The following ARHGAP21 variants were observed in gnomAD, a reference collection of about 807,000 sequenced individuals.
The protein encoded by ARHGAP21 is rho GTPase-activating protein 21.
A neutral mutation model predicts 164.6 loss-of-function variants in ARHGAP21; 38 were observed. The observed-to-expected ratio is 0.23, with a 90% CI of 0.18 to 0.30. The LOEUF is 0.30. Ranked by LOEUF, ARHGAP21 falls within the 10% of genes least tolerant of loss-of-function variation. The pLI is 1.00. For synonymous variants in ARHGAP21, 766 were observed against 857.9 expected, an observed-to-expected ratio of 0.89 and a Z score of 1.87; for missense variants, 1,822 against 2,370.7, an observed-to-expected ratio of 0.77 and a Z score of 4.81.
intron 2 of ARHGAP21, among the ~76,000 whole-genome samples, chr10:24,702,583 G>A (rs1186240194): frequency 1.3e-5 from 2 of 150,534 alleles, no homozygotes; most frequent in East Asian, 3.9e-4. Flanking sequence ...TTTTTTTTTG[G>A]TTTTTTGTTT....
At chr10:24,653,104 C>G (rs1197802227) in intron 4 of ARHGAP21, among the ~76,000 whole-genome samples, 1 of 152,056 alleles carries the variant, frequency 6.6e-6, no homozygotes, top group Non-Finnish European at 1.5e-5. Flanking sequence ...TAAAAAATAC[C>G]CATTTTAAGT....
chr10:24,589,542 A>T (rs1017090851), intron 24 of ARHGAP21: 7 of 456,256 alleles, frequency 1.5e-5, no homozygotes, highest in African/African-American at 1.4e-4. Context: ...ATGGCAAAGG[A>T]GCCCTGTGCT....
chr10:24,586,101 A>ATACT lies in ARHGAP21; in HGVS notation c.4187_4188insAGTA (p.Trp1397ValfsTer10). On this transcript the variant is annotated frameshift_variant, in exon 26 of 26. Coordinates refer to ENST00000396432, the MANE Select transcript of ARHGAP21 (RefSeq NM_020824.4). LOFTEE classifies it low-confidence loss of function (END_TRUNC). ...TATACTGATCCTTTCCAGATCCCCA[A>ATACT]GAACCCTGGGAAGCAAGAGAGAAGA... 6.3e-7 allele frequency: 1 copy of ATACT among 1,579,428 alleles called. No homozygotes were observed. Among genetic ancestry groups the ATACT allele is most frequent in the Non-Finnish European group, 8.6e-7 (1 of 1,166,782 alleles).
chr10:24,619,218 C>T (rs969711677), intron 9 of ARHGAP21, among the ~76,000 whole-genome samples: 3 of 150,946 alleles, frequency 2.0e-5, no homozygotes, highest in Non-Finnish European at 4.4e-5. Flanking sequence ...TTTGTTTCAT[C>T]AAAATAAAAA....
At chr10:24,707,613 C>T (rs1225567450) in intron 2 of ARHGAP21, among the ~76,000 whole-genome samples, 2 of 152,172 alleles carry the variant, frequency 1.3e-5, no homozygotes, top group African/African-American at 2.4e-5. Context: ...CAAACTTGCA[C>T]GACCTCCTCT....
At chr10:24,622,667 G>A (rs970479349) in intron 8 of ARHGAP21, 66 bp downstream of exon 8, 1 of 1,510,068 alleles carries the variant, frequency 6.6e-7, no homozygotes, top group African/African-American at 1.4e-5. Flanking sequence ...TAATAGATTG[G>A]CTTATTACAA....
intron 21 of ARHGAP21, among the ~76,000 whole-genome samples, chr10:24,592,719 G>GAGT (rs764934176): frequency 8.7e-5 from 13 of 149,730 alleles, no homozygotes; most frequent in Non-Finnish European, 1.5e-4. Flanking sequence ...CTGGGCGACA[G>GAGT]AGTAAGATCC....
At chr10:24,674,085 A>T (rs941495251) in intron 2 of ARHGAP21, among the ~76,000 whole-genome samples, 2 of 151,952 alleles carry the variant, frequency 1.3e-5, no homozygotes, top group Non-Finnish European at 2.9e-5. Context: ...CAAAATTAAG[A>T]CCCTCTGCTC....
intron 8 of ARHGAP21, 122 bp downstream of exon 8, chr10:24,622,611 G>A: frequency 9.6e-7 from 1 of 1,040,368 alleles, no homozygotes; most frequent in Non-Finnish European, 1.4e-6. Context: ...AAATTAGTAA[G>A]ATTAACACGA....
chr10:24,632,588 A>G (rs1479674120), intron 6 of ARHGAP21, among the ~76,000 whole-genome samples: 1 of 152,226 alleles, frequency 6.6e-6, no homozygotes, highest in African/African-American at 2.4e-5. Flanking sequence ...GAGCCACTCT[A>G]GACATACTTA....
At chr10:24,591,093 T>C in intron 24 of ARHGAP21, 132 bp downstream of exon 24, 1 of 1,002,026 alleles carries the variant, frequency 1.0e-6, no homozygotes, top group South Asian at 1.8e-5. Flanking sequence ...AAGATTAAGG[T>C]TTTTTATTAG....
intron 2 of ARHGAP21, among the ~76,000 whole-genome samples, chr10:24,689,944 A>G (rs78198096): frequency 7.2e-4 from 5 of 6,960 alleles, no homozygotes; most frequent in African/African-American, 3.9e-3. Context: ...GTATATATGT[A>G]TATGTGTGTG....
At chr10:24,677,204 A>G (rs1019111649) in intron 2 of ARHGAP21, among the ~76,000 whole-genome samples, 37 of 152,340 alleles carry the variant, frequency 2.4e-4, no homozygotes, top group African/African-American at 8.7e-4. Flanking sequence ...TAAGCGACAG[A>G]GCGAGACTCC....
At chr10:24,621,404 T>C in intron 8 of ARHGAP21, 35 bp from the exon 9 acceptor site, 1 of 1,493,028 alleles carries the variant, frequency 6.7e-7, no homozygotes, top group Non-Finnish European at 9.0e-7. Context: ...TCACTGGAAA[T>C]TCATAAAAAG....
intron 4 of ARHGAP21, among the ~76,000 whole-genome samples, chr10:24,664,736 A>C (rs1053126901): frequency 2.0e-5 from 3 of 152,034 alleles, no homozygotes; most frequent in African/African-American, 7.2e-5. Flanking sequence ...GAGTGAAATT[A>C]AGCATAAATT....
chr10:24,710,971 G>GT, intron 2 of ARHGAP21, among the ~76,000 whole-genome samples: 1 of 151,654 alleles, frequency 6.6e-6, no homozygotes, highest in East Asian at 1.9e-4. Context: ...GAGGGTGCCT[G>GT]TAGTCCCAGC....
rs775620773 is a variant in ARHGAP21 at position 24,602,089 on chromosome 10, T to C, written c.2736A>G (p.Gln912=). 1 of 1,613,490 alleles carries C rather than the reference T, an allele frequency of 6.2e-7. No homozygotes were observed. Among genetic ancestry groups the C allele is most frequent in the South Asian group, 1.1e-5 (1 of 90,902 alleles). The change falls in exon 13 of 26, where the codon CAA becomes CAG. Residue 912 remains glutamine, a synonymous_variant. Transcript: ENST00000396432. ...TGGACCCAGAGTCTTCTGATGACTT[T>C]TGGCTGTCTGCGATCTATAGAAAAG... ...SLKGIKIADS[Q]KSSEDSGSRK...
intron 2 of ARHGAP21, among the ~76,000 whole-genome samples, chr10:24,681,934 T>C (rs1353333301): frequency 6.6e-6 from 1 of 151,954 alleles, no homozygotes; most frequent in Non-Finnish European, 1.5e-5. Context: ...ACTGCCCGGG[T>C]CTGGATTCTT....
At chr10:24,717,046 A>C (rs1845459656) in intron 2 of ARHGAP21, among the ~76,000 whole-genome samples, 2 of 152,238 alleles carry the variant, frequency 1.3e-5, no homozygotes, top group Non-Finnish European at 2.9e-5. Flanking sequence ...ACACATGTAC[A>C]CATAAAGAAA....
Sources: gnomAD v4.1 joint callset for allele counts (sites outside exome capture counted in the v4.1 genomes callset) on GRCh38, gnomAD v4.1.1 for gene constraint, MANE v1.5 for transcripts, NCBI Gene and HGNC (gene_info 2026-07-23, HGNC 2026-07-21) for gene names.